The following RGP1 variants were observed in gnomAD, a reference collection of about 807,000 sequenced individuals.
The protein encoded by RGP1 is RGP1 partner of RAB6A GEF complex.
RGP1 carries 28 observed loss-of-function variants against 44.5 expected under a neutral mutation model. The observed-to-expected ratio is 0.63, with a 90% CI of 0.47 to 0.86. RGP1 has a LOEUF of 0.86. RGP1 is among the 40% of genes least tolerant of loss of function. The probability of loss-of-function intolerance (pLI) is 0.00; values close to 1 mark genes in which losing one functional copy is unlikely to be tolerated. For synonymous variants in RGP1, 212 were observed against 196.7 expected, an observed-to-expected ratio of 1.08 and a Z score of -0.65; for missense variants, 417 against 490.7, an observed-to-expected ratio of 0.85 and a Z score of 1.42.
Position 35,752,080 on chromosome 9 carries a change from C to A in RGP1, c.887C>A (p.Thr296Lys). 2 of 1,607,716 alleles carry A rather than the reference C, an allele frequency of 1.2e-6. No individual in the cohort carries two copies. Among genetic ancestry groups the A allele is most frequent in the Non-Finnish European group, 8.5e-7 (1 of 1,176,496 alleles). Residue 296 changes from threonine (T) to lysine (K), a missense_variant, in exon 8 of 9, where the codon ACA becomes AAA. Coordinates refer to ENST00000378078, the MANE Select transcript of RGP1 (RefSeq NM_001080496.3). The part of the protein sequence containing the change: ...HARHQESCLH[T>K]TRTSFSLPIP... ...CGGCACCAGGAATCCTGCCTACATACAACTAGAACCAGCTTCTCCCTCCCA... is the reference window on the plus strand; with the variant it reads ...CGGCACCAGGAATCCTGCCTACATAAAACTAGAACCAGCTTCTCCCTCCCA...
chr9:35,752,204 G>C, intron 8 of RGP1, 59 bp downstream of exon 8: 3 of 1,455,310 alleles, frequency 2.1e-6, no homozygotes, highest in Non-Finnish European at 2.8e-6. Flanking sequence ...CTGTGCTAAG[G>C]GAGGGTGTAA....
chr9:35,758,203 A>G lies in RGP1; in HGVS notation c.*5329A>G, dbSNP rs1254018036. 6.6e-6 allele frequency: 1 copy of G among 152,222 alleles called. No individual in the cohort carries two copies. Among genetic ancestry groups the G allele is most frequent in the Non-Finnish European group, 1.5e-5 (1 of 68,034 alleles). 9.4% of individuals were successfully genotyped at this position (152,222 alleles called of 1,614,324 possible). A position where few individuals can be genotyped will look rare whatever the true frequency, so the allele number is the denominator to read the frequency against. On this transcript the variant is annotated 3_prime_UTR_variant, in exon 9 of 9. Transcript: ENST00000378078. The stretch of plus-strand genomic sequence containing the variant: ...GCCCTTTATATTTTGAACCAAATAA[A>G]ACATTTCTTGGAATGGGAGCTTTGG...
chr9:35,763,503 A>G (rs1827436592), downstream of RGP1, among the ~76,000 whole-genome samples: 1 of 152,256 alleles, frequency 6.6e-6, no homozygotes, highest in African/African-American at 2.4e-5. Flanking sequence ...AAGTTACATA[A>G]TAATATGAAT....
At chr9:35,758,866 T>A (rs542093790), downstream of RGP1, among the ~76,000 whole-genome samples, 1 of 152,194 alleles carries the variant, frequency 6.6e-6, no homozygotes, top group Non-Finnish European at 1.5e-5. Flanking sequence ...AACACTCTTA[T>A]GTTGAAATCT....
At chr9:35,771,210 G>A in the RGP1 span, among the ~76,000 whole-genome samples, 1 of 152,000 alleles carries the variant, frequency 6.6e-6, no homozygotes, top group African/African-American at 2.4e-5. Context: ...TAACCCCTCT[G>A]CTTGGCTGGC....
the RGP1 span, among the ~76,000 whole-genome samples, chr9:35,788,045 T>C: frequency 6.6e-6 from 1 of 152,242 alleles, no homozygotes; most frequent in Non-Finnish European, 1.5e-5. Flanking sequence ...AGGTTTGTTA[T>C]AAAACGTTTA....
At position 35,754,259 on chromosome 9, in the gene RGP1, C is replaced by T; in HGVS notation, c.*1385C>T. On this transcript the variant is annotated 3_prime_UTR_variant, in exon 9 of 9. Transcript: ENST00000378078. ...CTTTCTCCCCTGGGCTCCTGTCTCA[C>T]ACTATCTCCCTGCCCTCTGCTCTCA... is the stretch of plus-strand genomic sequence containing the variant. 8.5e-7 allele frequency: 1 copy of T among 1,170,028 alleles called. No homozygotes were observed. The highest frequency in any genetic ancestry group is 2.9e-4 in the Middle Eastern group (1 of 3,404). The allele number at this position is 1,170,028 out of a possible 1,614,324, so 72.5% of individuals were successfully genotyped here.
chr9:35,773,690 T>A, the RGP1 span, among the ~76,000 whole-genome samples: 5 of 151,974 alleles, frequency 3.3e-5, no homozygotes, highest in Non-Finnish European at 1.5e-5. Flanking sequence ...TTAGTAGAGA[T>A]GGGGTTTCAT....
At chr9:35,787,997 T>G in the RGP1 span, among the ~76,000 whole-genome samples, 1 of 152,242 alleles carries the variant, frequency 6.6e-6, no homozygotes, top group Admixed American at 6.5e-5. Context: ...TGATCTGGTG[T>G]AGAACAAACC....
At chr9:35,758,738 A>G (rs1417429706), downstream of RGP1, among the ~76,000 whole-genome samples, 1 of 151,668 alleles carries the variant, frequency 6.6e-6, no homozygotes, top group Non-Finnish European at 1.5e-5. Flanking sequence ...GACTTCCTCT[A>G]CTATAAATTC....
the RGP1 span, among the ~76,000 whole-genome samples, chr9:35,773,269 T>C: frequency 2.6e-5 from 4 of 152,086 alleles, no homozygotes; most frequent in African/African-American, 9.7e-5. Context: ...TGAATGCCTA[T>C]AATCCCAGCT....
At chr9:35,767,164 A>G in the RGP1 span, among the ~76,000 whole-genome samples, 6 of 152,140 alleles carry the variant, frequency 3.9e-5, no homozygotes, top group African/African-American at 1.4e-4. Flanking sequence ...CTATAATACA[A>G]TGTGTCATGT....
Position 35,756,412 on chromosome 9 carries a change from A to T in RGP1, c.*3538A>T, listed in dbSNP as rs1432857045. The T allele has an allele frequency of 1.3e-5, 2 of 152,294 alleles. No homozygotes were observed. The highest frequency in any genetic ancestry group is 2.9e-5 in the Non-Finnish European group (2 of 68,092). The allele number at this position is 152,294 out of a possible 1,614,324, so 9.4% of individuals were successfully genotyped here. On this transcript the variant is annotated 3_prime_UTR_variant, in exon 9 of 9. Coordinates refer to ENST00000378078, the MANE Select transcript of RGP1 (RefSeq NM_001080496.3). ...TTTTCCAAGGAGACAGCTAAGGTGG[A>T]TGGAGATGCAGAATGGACCTCACGT...
chr9:35,753,866 C>T lies in RGP1; in HGVS notation c.*992C>T, dbSNP rs998803818. On this transcript the variant is annotated 3_prime_UTR_variant, in exon 9 of 9. Coordinates refer to ENST00000378078, the MANE Select transcript of RGP1 (RefSeq NM_001080496.3). This position sits in a 1 kb window ranked among gnomAD's most constrained non-coding sequence, Gnocchi z 4.2. ...GGAGACAGTAAGTACGCACTATCCCCGTATTTAGTTTGTCTTTCCTGTTTC... is the reference window on the plus strand; with the variant it reads ...GGAGACAGTAAGTACGCACTATCCCTGTATTTAGTTTGTCTTTCCTGTTTC... 39 of 1,525,100 alleles carry T rather than the reference C, an allele frequency of 2.6e-5. No homozygotes were observed. Among genetic ancestry groups the T allele is most frequent in the Non-Finnish European group, 3.1e-5 (35 of 1,114,324 alleles). 94.5% of individuals were successfully genotyped at this position (1,525,100 alleles called of 1,614,324 possible).
chr9:35,778,828 A>G, the RGP1 span, among the ~76,000 whole-genome samples: 2 of 152,280 alleles, frequency 1.3e-5, no homozygotes, highest in East Asian at 3.9e-4. Flanking sequence ...AATAATATGT[A>G]TATGTGCTTT....
At chr9:35,750,190 G>A in intron 2 of RGP1, 53 bp from the exon 3 acceptor site, 3 of 1,580,844 alleles carry the variant, frequency 1.9e-6, no homozygotes, top group Non-Finnish European at 2.6e-6. Flanking sequence ...GCTTGGGAAA[G>A]CATTTGTGAG....
At position 35,754,026 on chromosome 9, in the gene RGP1, T is replaced by C. The variant is rs768597316; in HGVS notation, c.*1152T>C. ...TTGAGCTTGGAAGTAGCACTTGCTG[T>C]AGACTCCTGGGTGCTGGAGGAGTAG... On this transcript the variant is annotated 3_prime_UTR_variant, in exon 9 of 9. Transcript: ENST00000378078. The C allele has an allele frequency of 2.0e-5, 33 of 1,613,650 alleles. No individual in the cohort carries two copies. The Admixed American group carries it at 5.5e-4, about 27-fold the overall frequency.
chr9:35,780,562 TTTC>T, the RGP1 span: 1 of 152,210 alleles, frequency 6.6e-6, no homozygotes, highest in Non-Finnish European at 1.5e-5. Context: ...CTCAGAGGAA[TTTC>T]TTTTTCTTTT....
At chr9:35,784,620 T>C in the RGP1 span, among the ~76,000 whole-genome samples, 3 of 152,010 alleles carry the variant, frequency 2.0e-5, no homozygotes, top group Non-Finnish European at 4.4e-5. Context: ...ACCTGGGTAA[T>C]TTTTGTATTT....
Sources: gnomAD v4.1 joint callset for allele counts (sites outside exome capture counted in the v4.1 genomes callset) on GRCh38, gnomAD v4.1.1 for gene constraint, Gnocchi (gnomAD v3.1) non-coding constraint, MANE v1.5 for transcripts, NCBI Gene and HGNC (gene_info 2026-07-23, HGNC 2026-07-21) for gene names.